CALN1: variants seen among roughly 807,000 people sequenced by gnomAD.
The protein encoded by CALN1 is calneuron 1.
CALN1 carries 17 observed loss-of-function variants against 30.6 expected under a neutral mutation model. The ratio of observed to expected loss-of-function variants is 0.56; its 90% CI spans 0.38 to 0.83. CALN1 has a LOEUF of 0.83. Ranked by LOEUF, CALN1 falls within the 40% of genes least tolerant of loss-of-function variation. CALN1 has a pLI of 0.00. For missense variants in CALN1, 291 were observed against 354.9 expected (o/e 0.82, Z 1.45); for synonymous variants, 156 against 131.4 (o/e 1.19, Z -1.28).
intron 3 of CALN1, among the ~76,000 whole-genome samples, chr7:72,114,003 G>C (rs1397346456): frequency 3.9e-5 from 6 of 151,928 alleles, no homozygotes; most frequent in Non-Finnish European, 8.8e-5. Context: ...GGAAAGAAGA[G>C]TTTGAGAGAC....
intron 3 of CALN1, among the ~76,000 whole-genome samples, chr7:72,194,988 C>T (rs1052940961): frequency 6.6e-6 from 1 of 152,152 alleles, no homozygotes; most frequent in African/African-American, 2.4e-5. Context: ...ATACAAGACA[C>T]TTTATGGCCT....
intron 2 of CALN1, among the ~76,000 whole-genome samples, chr7:72,311,427 G>A (rs1021800385): frequency 6.6e-6 from 1 of 151,976 alleles, no homozygotes; most frequent in South Asian, 2.1e-4. Flanking sequence ...TGTGCAGAGG[G>A]TCAACACCCC....
chr7:71,857,657 A>T (rs1791036708), intron 5 of CALN1, among the ~76,000 whole-genome samples: 1 of 152,204 alleles, frequency 6.6e-6, no homozygotes, highest in South Asian at 2.1e-4. Context: ...CTGAGGCTGC[A>T]GAGGTGGCAC....
intron 1 of CALN1, among the ~76,000 whole-genome samples, chr7:72,405,801 G>A (rs1301368432): frequency 6.6e-6 from 1 of 152,196 alleles, no homozygotes; most frequent in Non-Finnish European, 1.5e-5. Context: ...GTGATTGGTG[G>A]TAAATGCATA....
chr7:71,856,706 G>T (rs1325086718), intron 5 of CALN1, among the ~76,000 whole-genome samples: 1 of 152,090 alleles, frequency 6.6e-6, no homozygotes, highest in Non-Finnish European at 1.5e-5. Context: ...TATAATCCCA[G>T]CATTTTGGGA....
chr7:72,084,076 G>GCA, intron 4 of CALN1, among the ~76,000 whole-genome samples: 1 of 151,676 alleles, frequency 6.6e-6, no homozygotes, highest in East Asian at 2.0e-4. Context: ...GGGCATGGTG[G>GCA]TGTGCACCTG....
intron 2 of CALN1, chr7:72,336,933 A>C (rs1763312376): frequency 1.0e-6 from 1 of 984,816 alleles, no homozygotes. Flanking sequence ...GCGCGCCGGG[A>C]CCTGCACGAG....
chr7:72,132,732 C>T (rs944814155), intron 3 of CALN1, among the ~76,000 whole-genome samples: 4 of 152,084 alleles, frequency 2.6e-5, no homozygotes, highest in Admixed American at 1.3e-4. Flanking sequence ...TGTATGTCCC[C>T]GGCTAATCAA....
intron 2 of CALN1, among the ~76,000 whole-genome samples, chr7:72,402,055 G>A (rs967479938): frequency 7.2e-5 from 11 of 152,308 alleles, no homozygotes; most frequent in African/African-American, 2.6e-4. Flanking sequence ...TCTGACTCTA[G>A]CCAACCTTCC....
At chr7:72,410,556 G>T (rs1188096028) in intron 1 of CALN1, among the ~76,000 whole-genome samples, 1 of 152,130 alleles carries the variant, frequency 6.6e-6, no homozygotes, top group Admixed American at 6.5e-5. Context: ...AAACTGAAAT[G>T]AGCTTTTCAA....
At chr7:72,270,128 T>C (rs144966100) in intron 3 of CALN1, among the ~76,000 whole-genome samples, 7 of 151,766 alleles carry the variant, frequency 4.6e-5, no homozygotes, top group East Asian at 3.9e-4. Flanking sequence ...TGTGTGTGTG[T>C]TGAGAGAGAG....
intron 3 of CALN1, among the ~76,000 whole-genome samples, chr7:72,222,653 G>A (rs1793391557): frequency 6.6e-6 from 1 of 152,078 alleles, no homozygotes. Context: ...AGTCAGTGCT[G>A]GTTTTTCACC....
chr7:71,970,501 T>C (rs1797740305), intron 5 of CALN1, among the ~76,000 whole-genome samples: 1 of 152,144 alleles, frequency 6.6e-6, no homozygotes, highest in Non-Finnish European at 1.5e-5. Flanking sequence ...GACATTCTTA[T>C]ACTCATTTTA....
chr7:72,349,323 T>TGTGTGTGTG (rs1802808476), intron 2 of CALN1, among the ~76,000 whole-genome samples: 2 of 121,592 alleles, frequency 1.6e-5, no homozygotes, highest in African/African-American at 3.0e-5. Context: ...TGTGTGTGTG[T>TGTGTGTGTG]TGGGAAGGTT....
intron 5 of CALN1, among the ~76,000 whole-genome samples, chr7:71,934,790 G>C (rs1584546501): frequency 6.6e-6 from 1 of 152,322 alleles, no homozygotes; most frequent in African/African-American, 2.4e-5. Context: ...TGGACTCCCA[G>C]TTCCACATGG....
At position 72,324,631 on chromosome 7, in the gene CALN1, G is replaced by A. The variant is rs1318034711; in HGVS notation, c.120-45821C>T. 2.6e-5 allele frequency among the ~76,000 whole-genome samples: 4 copies of A among 151,794 alleles called. No individual in the cohort carries two copies. In the East Asian group the frequency reaches 7.7e-4, roughly 29 times the overall value. ...AGAGTCTCCCTCTGTTGGCCAGGCT[G>A]GAGCTCAATGGGGTAACTTGGCTCA... is the stretch of plus-strand genomic sequence containing the variant. On this transcript the variant is annotated intron_variant, in intron 2 of 6. Transcript: ENST00000395275.
intron 2 of CALN1, among the ~76,000 whole-genome samples, chr7:72,310,173 T>G (rs1249570017): frequency 6.6e-6 from 1 of 151,584 alleles, no homozygotes; most frequent in Admixed American, 6.6e-5. Flanking sequence ...TTGGTCTGGT[T>G]TTCAAGCCAA....
At chr7:71,827,946 G>C (rs1789028825) in intron 5 of CALN1, among the ~76,000 whole-genome samples, 1 of 152,088 alleles carries the variant, frequency 6.6e-6, no homozygotes, top group African/African-American at 2.4e-5. Flanking sequence ...AGACCATGAG[G>C]CTAGAACGTG....
intron 3 of CALN1, among the ~76,000 whole-genome samples, chr7:72,145,284 G>A (rs1207130057): frequency 6.6e-6 from 1 of 151,862 alleles, no homozygotes; most frequent in Non-Finnish European, 1.5e-5. Flanking sequence ...AAAGATAAAG[G>A]GGATATCACC....
Sources: allele counts gnomAD v4.1 joint callset (sites outside exome capture counted in the v4.1 genomes callset), GRCh38; gene constraint gnomAD v4.1.1; transcripts MANE v1.5; gene names NCBI Gene and HGNC (gene_info 2026-07-23, HGNC 2026-07-21).